The following LRFN2 variants were observed in gnomAD, a reference collection of about 807,000 sequenced individuals.
LRFN2 encodes leucine rich repeat and fibronectin type III domain containing 2.
A neutral mutation model predicts 37.3 loss-of-function variants in LRFN2; 18 were observed. The observed-to-expected ratio is 0.48, with a 90% CI of 0.33 to 0.72. The LOEUF is 0.72. Ranked by LOEUF, LRFN2 falls within the 30% of genes least tolerant of loss-of-function variation. LRFN2 has a pLI of 0.02. For synonymous variants in LRFN2, 556 were observed against 466.6 expected, an observed-to-expected ratio of 1.19 and a Z score of -2.47; for missense variants, 1,006 against 1,060.7, an observed-to-expected ratio of 0.95 and a Z score of 0.72.
chr6:40,549,723 A>G (rs2113921541), intron 1 of LRFN2, among the ~76,000 whole-genome samples: 1 of 152,272 alleles, frequency 6.6e-6, no homozygotes, highest in Non-Finnish European at 1.5e-5. Context: ...GAATCCCCAG[A>G]CCATGCACAA....
At chr6:40,399,586 C>T (rs747274515) in intron 2 of LRFN2, among the ~76,000 whole-genome samples, 12 of 151,320 alleles carry the variant, frequency 7.9e-5, no homozygotes, top group African/African-American at 2.7e-4. Context: ...TACAGGTGCA[C>T]GCCACCAAGC....
intron 2 of LRFN2, among the ~76,000 whole-genome samples, chr6:40,420,425 C>T (rs1430798016): frequency 2.0e-5 from 3 of 152,200 alleles, no homozygotes; most frequent in South Asian, 4.1e-4. Context: ...CTCTGTGTCT[C>T]CAGAGATGAG....
intron 1 of LRFN2, among the ~76,000 whole-genome samples, chr6:40,469,079 C>A (rs1250322901): frequency 6.6e-6 from 1 of 152,108 alleles, no homozygotes; most frequent in African/African-American, 2.4e-5. Context: ...CCCGGGTGGG[C>A]CCTAAATCCC....
intron 2 of LRFN2, among the ~76,000 whole-genome samples, chr6:40,411,149 G>A (rs778967138): frequency 7.9e-5 from 12 of 152,222 alleles, no homozygotes; most frequent in Non-Finnish European, 1.5e-4. Flanking sequence ...TTATTGAGGT[G>A]CATGGGTCTG....
At chr6:40,562,831 TCACTCACACACA>T (rs1317491156) in intron 1 of LRFN2, among the ~76,000 whole-genome samples, 86 of 144,148 alleles carry the variant, frequency 6.0e-4, no homozygotes, top group African/African-American at 2.1e-3. Flanking sequence ...GTGCGTGCAC[TCACTCACACACA>T]CACACACACA....
intron 1 of LRFN2, among the ~76,000 whole-genome samples, chr6:40,443,015 CTTA>C (rs148336898): frequency 0.28 from 42,375 of 152,020 alleles, 6,518 homozygotes; most frequent in Non-Finnish European, 0.33. Context: ...AATAACCCCT[CTTA>C]TTATTAAAAC....
At chr6:40,519,462 T>C (rs534766310) in intron 1 of LRFN2, among the ~76,000 whole-genome samples, 30 of 152,316 alleles carry the variant, frequency 2.0e-4, no homozygotes, top group African/African-American at 4.1e-4. Context: ...ATGACTTGCA[T>C]TGGCCAACAG....
intron 1 of LRFN2, among the ~76,000 whole-genome samples, chr6:40,510,721 G>A (rs1054412616): frequency 1.3e-5 from 2 of 152,228 alleles, no homozygotes; most frequent in Non-Finnish European, 2.9e-5. Context: ...AAGCAGGGCC[G>A]AGGAGACAGG....
chr6:40,392,252 C>T lies in LRFN2; in HGVS notation c.2061G>A (p.Ser687=), dbSNP rs3734558. The change falls in exon 3 of 3, where the codon TCG becomes TCA. Residue 687 remains serine (S), a synonymous_variant. Coordinates refer to ENST00000338305, the MANE Select transcript of LRFN2 (RefSeq NM_020737.3). This position sits in a 1 kb window ranked among gnomAD's most constrained non-coding sequence, Gnocchi z 4.7. ...RTPAGRGAGT[S]ARGHHSDREP... The stretch of plus-strand genomic sequence containing the variant: ...CTCGGTCCGAGTGGTGGCCCCGGGC[C>T]GACGTCCCAGCCCCTCTCCCGGCTG... 37,378 of 1,581,394 alleles carry T rather than the reference C, an allele frequency of 0.024. 1,493 individuals are homozygous for T. The highest frequency in any genetic ancestry group is 0.17 in the Admixed American group (9,584 of 55,410).
chr6:40,509,632 C>A (rs1229175307), intron 1 of LRFN2, among the ~76,000 whole-genome samples: 2 of 151,800 alleles, frequency 1.3e-5, no homozygotes. Context: ...TGAGTGCCTG[C>A]ATGCGGGTAT....
chr6:40,421,901 G>A (rs1188498581), intron 2 of LRFN2, among the ~76,000 whole-genome samples: 2 of 152,106 alleles, frequency 1.3e-5, no homozygotes, highest in South Asian at 2.1e-4. Context: ...CTTCTTTCAC[G>A]CTTTGTCATC....
intron 1 of LRFN2, among the ~76,000 whole-genome samples, chr6:40,470,130 C>T (rs1764558344): frequency 6.6e-6 from 1 of 152,222 alleles, no homozygotes; most frequent in Non-Finnish European, 1.5e-5. Context: ...CCACACATCT[C>T]CCCATCCTGC....
chr6:40,541,634 G>T (rs1419635791), intron 1 of LRFN2, among the ~76,000 whole-genome samples: 1 of 152,180 alleles, frequency 6.6e-6, no homozygotes, highest in Non-Finnish European at 1.5e-5. Flanking sequence ...CAGAGAGAAG[G>T]CTTGGGGTGT....
At chr6:40,534,263 A>G (rs2504840) in intron 1 of LRFN2, among the ~76,000 whole-genome samples, 4,266 of 152,252 alleles carry the variant, frequency 0.028, 209 homozygotes, top group African/African-American at 0.097. Flanking sequence ...GGCTCAATGA[A>G]CTAGACGAGT....
chr6:40,481,211 G>A (rs950316216), intron 1 of LRFN2, among the ~76,000 whole-genome samples: 2 of 152,102 alleles, frequency 1.3e-5, no homozygotes, highest in African/African-American at 4.8e-5. Context: ...GGAGGCAGGA[G>A]GATCACCTGA....
intron 1 of LRFN2, among the ~76,000 whole-genome samples, chr6:40,506,817 C>T (rs1362547760): frequency 2.0e-5 from 3 of 152,124 alleles, no homozygotes; most frequent in Non-Finnish European, 4.4e-5. Flanking sequence ...CTGGCCCTGA[C>T]ACTGCCAGTA....
At chr6:40,570,105 GT>G (rs1039658337) in intron 1 of LRFN2, among the ~76,000 whole-genome samples, 23 of 152,234 alleles carry the variant, frequency 1.5e-4, no homozygotes, top group Admixed American at 1.5e-3. Context: ...AGGCATCAGT[GT>G]TTGTTATAGC....
chr6:40,472,893 T>C (rs1764630906), intron 1 of LRFN2, among the ~76,000 whole-genome samples: 1 of 152,126 alleles, frequency 6.6e-6, no homozygotes, highest in Non-Finnish European at 1.5e-5. Flanking sequence ...CTCCCATCTC[T>C]GTCTCTCCCA....
At chr6:40,583,884 G>T (rs2473595) in intron 1 of LRFN2, among the ~76,000 whole-genome samples, 1 of 152,016 alleles carries the variant, frequency 6.6e-6, no homozygotes, top group South Asian at 2.1e-4. Flanking sequence ...TGCTGGCGGC[G>T]GTTGGGGGGG....
Sources: gnomAD v4.1 joint callset for allele counts (sites outside exome capture counted in the v4.1 genomes callset) on GRCh38, gnomAD v4.1.1 for gene constraint, Gnocchi (gnomAD v3.1) non-coding constraint, MANE v1.5 for transcripts, NCBI Gene and HGNC (gene_info 2026-07-23, HGNC 2026-07-21) for gene names.